The following MITF variants were observed in gnomAD, a reference collection of about 807,000 sequenced individuals.
MITF encodes the protein melanocyte inducing transcription factor.
In MITF, 17 loss-of-function variants were observed where a neutral mutation model predicts 60.5. The ratio of observed to expected loss-of-function variants is 0.28; its 90% confidence interval spans 0.19 to 0.42. The LOEUF is 0.42. MITF is among the 10% of genes least tolerant of loss of function. The probability of loss-of-function intolerance (pLI) is 1.00; values close to 1 mark genes in which losing one functional copy is unlikely to be tolerated. For synonymous variants in MITF, 260 were observed against 248.5 expected, an observed-to-expected ratio of 1.05 and a Z score of -0.43; for missense variants, 622 against 683.5, an observed-to-expected ratio of 0.91 and a Z score of 1.00.
At chr3:69,819,414 A>C (rs896661033) in intron 1 of MITF, among the ~76,000 whole-genome samples, 1 of 152,182 alleles carries the variant, frequency 6.6e-6, no homozygotes, top group Non-Finnish European at 1.5e-5. Flanking sequence ...CTGTGGTTGC[A>C]TGTCTGGTTC....
intron 2 of MITF, among the ~76,000 whole-genome samples, chr3:69,903,960 C>T (rs1320343550): frequency 1.3e-5 from 2 of 151,986 alleles, no homozygotes; most frequent in African/African-American, 4.8e-5. Flanking sequence ...ATAGGGTTGT[C>T]GGAGGATTAT....
intron 2 of MITF, among the ~76,000 whole-genome samples, chr3:69,920,827 C>T (rs958311180): frequency 1.4e-4 from 21 of 152,198 alleles, no homozygotes; most frequent in African/African-American, 4.8e-4. Flanking sequence ...TTTATTTCTA[C>T]ACTCTCTCGT....
chr3:69,827,012 A>G (rs750491552), intron 1 of MITF, among the ~76,000 whole-genome samples: 23 of 152,134 alleles, frequency 1.5e-4, no homozygotes, highest in Non-Finnish European at 3.1e-4. Flanking sequence ...ATGAGCAGAC[A>G]TTATTCATTC....
chr3:69,779,303 C>T (rs538648473), intron 1 of MITF, among the ~76,000 whole-genome samples: 2 of 152,288 alleles, frequency 1.3e-5, no homozygotes, highest in South Asian at 4.1e-4. Flanking sequence ...GAGCAGGAGA[C>T]AGTCTTTACA....
intron 1 of MITF, chr3:69,866,104 A>G: frequency 1.8e-6 from 2 of 1,092,040 alleles, no homozygotes. Flanking sequence ...CAGGTACAGT[A>G]GGTACTGGAT....
At chr3:69,778,732 G>A (rs1480293308) in intron 1 of MITF, 1 of 152,132 alleles carries the variant, frequency 6.6e-6, no homozygotes, top group African/African-American at 2.4e-5. Flanking sequence ...AACACATATA[G>A]CTCTGAGTAG....
intron 2 of MITF, among the ~76,000 whole-genome samples, chr3:69,920,373 A>G (rs2065437239): frequency 6.6e-6 from 1 of 152,128 alleles, no homozygotes; most frequent in African/African-American, 2.4e-5. Flanking sequence ...GGAGGGCCTG[A>G]CATCAGTCAG....
intron 1 of MITF, among the ~76,000 whole-genome samples, chr3:69,858,045 G>A (rs1003821532): frequency 1.3e-5 from 2 of 151,754 alleles, no homozygotes; most frequent in Admixed American, 1.3e-4. Context: ...AGTTTTTTTA[G>A]GCATTATTTT....
chr3:69,863,206 T>C (rs1211392837), intron 1 of MITF, among the ~76,000 whole-genome samples: 1 of 152,148 alleles, frequency 6.6e-6, no homozygotes, highest in African/African-American at 2.4e-5. Context: ...CCAGAAGACA[T>C]GTGTTCGTTA....
intron 2 of MITF, among the ~76,000 whole-genome samples, chr3:69,883,562 T>C (rs992849865): frequency 6.6e-6 from 1 of 152,184 alleles, no homozygotes; most frequent in Non-Finnish European, 1.5e-5. Flanking sequence ...TGAAAATGTG[T>C]GTGGAGTTAC....
chr3:69,785,294 G>A lies in MITF; in HGVS notation c.104+45593G>A, dbSNP rs1286814315. Among the ~76,000 whole-genome samples, 5 of 147,828 alleles carry A rather than the reference G, an allele frequency of 3.4e-5. No individual in the cohort carries two copies. In the Admixed American group the frequency reaches 3.4e-4, roughly 10 times the overall value. On this transcript the variant is annotated intron_variant, in intron 1 of 9. Transcript: ENST00000352241. The stretch of plus-strand genomic sequence containing the variant: ...GCAAGCAGCAGCAGCAGCAGCAGCA[G>A]TAATTTAACAGCAGTAGTGAGCATT...
At chr3:69,964,767 A>G (rs941146087) in intron 9 of MITF, 80 bp from the exon 10 acceptor site, 15 of 1,287,688 alleles carry the variant, frequency 1.2e-5, no homozygotes, top group Admixed American at 8.5e-5. Flanking sequence ...CCATTATAGT[A>G]TCATATAGAG....
At chr3:69,828,905 A>G (rs1183799956) in intron 1 of MITF, among the ~76,000 whole-genome samples, 4 of 151,836 alleles carry the variant, frequency 2.6e-5, no homozygotes, top group Admixed American at 6.6e-5. Flanking sequence ...CTAGAGAACA[A>G]AAACATTGGC....
At chr3:69,824,580 C>T (rs941031437) in intron 1 of MITF, among the ~76,000 whole-genome samples, 1 of 152,184 alleles carries the variant, frequency 6.6e-6, no homozygotes, top group Non-Finnish European at 1.5e-5. Context: ...CGTGCATTCT[C>T]ACGTGGCTTC....
At chr3:69,870,327 T>TATAC (rs2064204418) in intron 1 of MITF, among the ~76,000 whole-genome samples, 1 of 149,704 alleles carries the variant, frequency 6.7e-6, no homozygotes, top group African/African-American at 2.4e-5. Flanking sequence ...CATGTATATA[T>TATAC]ACACACATAC....
intron 2 of MITF, among the ~76,000 whole-genome samples, chr3:69,891,829 G>A (rs923882888): frequency 6.6e-6 from 1 of 152,130 alleles, no homozygotes; most frequent in Non-Finnish European, 1.5e-5. Flanking sequence ...AGTGGAAGAT[G>A]CAAAATACCT....
At chr3:69,752,992 T>C (rs1337638867) in intron 1 of MITF, among the ~76,000 whole-genome samples, 1 of 152,218 alleles carries the variant, frequency 6.6e-6, no homozygotes, top group Non-Finnish European at 1.5e-5. Flanking sequence ...GGCCAAGTGC[T>C]AACATCCAAC....
At chr3:69,741,057 A>G (rs1048611300) in intron 1 of MITF, among the ~76,000 whole-genome samples, 1 of 152,196 alleles carries the variant, frequency 6.6e-6, no homozygotes, top group African/African-American at 2.4e-5. Flanking sequence ...GCCATTGCTG[A>G]AGACTCTTTG....
chr3:69,940,263 C>T (rs1209453372), intron 4 of MITF, among the ~76,000 whole-genome samples: 1 of 152,246 alleles, frequency 6.6e-6, no homozygotes, highest in East Asian at 1.9e-4. Context: ...TGGATTCTCT[C>T]CTCTTTAATG....
Sources: allele counts gnomAD v4.1 joint callset (sites outside exome capture counted in the v4.1 genomes callset), GRCh38; gene constraint gnomAD v4.1.1; transcripts MANE v1.5; gene names NCBI Gene and HGNC (gene_info 2026-07-23, HGNC 2026-07-21).